The following ZRANB3 variants were observed in gnomAD, a reference collection of about 807,000 sequenced individuals.
ZRANB3 encodes the protein zinc finger RANBP2-type containing 3, also known as DNA annealing helicase and endonuclease ZRANB3.
A neutral mutation model predicts 133.8 loss-of-function variants in ZRANB3; 125 were observed. The ratio of observed to expected loss-of-function variants is 0.93; its 90% CI spans 0.81 to 1.08. ZRANB3 has a LOEUF of 1.08. ZRANB3 is among the 50% of genes least tolerant of loss of function. The pLI, the probability that ZRANB3 is intolerant of heterozygous loss-of-function variation, is 0.00. For synonymous variants in ZRANB3, 387 were observed against 432.7 expected (o/e 0.89, Z 1.31); for missense variants, 1,229 against 1,275.5 (o/e 0.96, Z 0.56).
chr2:135,477,091 T>C (rs1315882468), intron 2 of ZRANB3, among the ~76,000 whole-genome samples: 2 of 152,204 alleles, frequency 1.3e-5, no homozygotes, highest in Non-Finnish European at 2.9e-5. Context: ...TCATCACTTT[T>C]TAATTAGTGA....
At chr2:135,396,209 G>A (rs1458616421) in intron 2 of ZRANB3, among the ~76,000 whole-genome samples, 2 of 152,198 alleles carry the variant, frequency 1.3e-5, no homozygotes, top group African/African-American at 2.4e-5. Context: ...TACACTGCTG[G>A]TGGGAATGTA....
chr2:135,387,141 A>G (rs1157692410), intron 3 of ZRANB3, among the ~76,000 whole-genome samples: 1 of 152,146 alleles, frequency 6.6e-6, no homozygotes, highest in African/African-American at 2.4e-5. Context: ...CCAAGTGAGT[A>G]TTCAAGAGTT....
intron 8 of ZRANB3, among the ~76,000 whole-genome samples, chr2:135,312,182 A>AT (rs1553470795): frequency 1.0e-4 from 13 of 129,332 alleles, no homozygotes; most frequent in Non-Finnish European, 2.0e-4. Flanking sequence ...ATTTTATTTT[A>AT]TTTTATTTTT....
At chr2:135,525,872 A>G (rs1574257112) in intron 1 of ZRANB3, among the ~76,000 whole-genome samples, 3 of 151,650 alleles carry the variant, frequency 2.0e-5, no homozygotes, top group African/African-American at 7.3e-5. Context: ...AAAAAAGGAA[A>G]TCCTATCATG....
At chr2:135,438,578 G>A (rs1689647806) in intron 2 of ZRANB3, among the ~76,000 whole-genome samples, 1 of 151,626 alleles carries the variant, frequency 6.6e-6, no homozygotes. Flanking sequence ...GACATAGTAC[G>A]GAAGAGCTTA....
intron 17 of ZRANB3, among the ~76,000 whole-genome samples, chr2:135,216,292 T>G (rs1268073147): frequency 2.0e-5 from 3 of 152,078 alleles, no homozygotes; most frequent in Non-Finnish European, 4.4e-5. Flanking sequence ...TTTTCACCTG[T>G]GTGCATGGAA....
intron 3 of ZRANB3, among the ~76,000 whole-genome samples, chr2:135,387,865 C>G (rs1687050954): frequency 6.6e-6 from 1 of 152,030 alleles, no homozygotes; most frequent in Admixed American, 6.5e-5. Context: ...TTGTAAATCA[C>G]AAGAAATGGA....
intron 14 of ZRANB3, 139 bp from the exon 15 acceptor site, chr2:135,224,656 G>A: frequency 1.8e-6 from 1 of 542,918 alleles, no homozygotes; most frequent in Non-Finnish European, 3.1e-6. Flanking sequence ...AATTGTCTAG[G>A]CTTGAAATAA....
At chr2:135,372,630 C>CA (rs1384138746) in intron 3 of ZRANB3, among the ~76,000 whole-genome samples, 3 of 151,718 alleles carry the variant, frequency 2.0e-5, no homozygotes, top group Non-Finnish European at 4.4e-5. Context: ...ACTAAAAATA[C>CA]AAAAAAATTT....
intron 6 of ZRANB3, among the ~76,000 whole-genome samples, chr2:135,343,606 A>AT (rs1684795165): frequency 1.3e-5 from 2 of 149,910 alleles, no homozygotes; most frequent in African/African-American, 5.1e-5. Context: ...AAAAAAATGC[A>AT]TTGGGAAACA....
At chr2:135,390,754 C>G in intron 3 of ZRANB3, 48 bp downstream of exon 3, 1 of 1,496,456 alleles carries the variant, frequency 6.7e-7, no homozygotes, top group Non-Finnish European at 9.0e-7. Context: ...ACACTAAAAA[C>G]AAGCTGTGTA....
chr2:135,415,553 T>TGAAA (rs1419113606), intron 2 of ZRANB3, among the ~76,000 whole-genome samples: 2 of 152,192 alleles, frequency 1.3e-5, no homozygotes, highest in African/African-American at 4.8e-5. Flanking sequence ...TACCATGCCT[T>TGAAA]CTGAAACTAT....
chr2:135,353,985 C>G (rs1685322885), intron 3 of ZRANB3, among the ~76,000 whole-genome samples: 1 of 151,870 alleles, frequency 6.6e-6, no homozygotes. Flanking sequence ...GCCTGGGTGA[C>G]AGAGTAAGGC....
chr2:135,216,914 A>T (rs1694335465), intron 17 of ZRANB3, among the ~76,000 whole-genome samples: 1 of 152,254 alleles, frequency 6.6e-6, no homozygotes, highest in Admixed American at 6.5e-5. Flanking sequence ...ATCAATGTAC[A>T]GAGATTAGAA....
intron 1 of ZRANB3, among the ~76,000 whole-genome samples, chr2:135,522,364 G>C (rs1176712539): frequency 6.6e-6 from 1 of 152,144 alleles, no homozygotes; most frequent in Non-Finnish European, 1.5e-5. Flanking sequence ...CGATGCTCCA[G>C]TCCCCTGGAC....
intron 2 of ZRANB3, among the ~76,000 whole-genome samples, chr2:135,408,125 C>G (rs1188854484): frequency 6.6e-6 from 1 of 151,454 alleles, no homozygotes; most frequent in African/African-American, 2.4e-5. Context: ...AACAAATTTA[C>G]AAGAAAAAAA....
intron 2 of ZRANB3, among the ~76,000 whole-genome samples, chr2:135,503,383 T>C (rs1693034098): frequency 6.6e-6 from 1 of 152,214 alleles, no homozygotes; most frequent in Non-Finnish European, 1.5e-5. Context: ...CTGTGGGTGT[T>C]GCCTCTACCA....
intron 2 of ZRANB3, among the ~76,000 whole-genome samples, chr2:135,487,571 A>T (rs1692180366): frequency 6.6e-6 from 1 of 152,234 alleles, no homozygotes; most frequent in South Asian, 2.1e-4. Flanking sequence ...TCTTCTGAGT[A>T]ACCTGCTGCA....
At chr2:135,394,096 A>T (rs547992144) in intron 2 of ZRANB3, among the ~76,000 whole-genome samples, 1 of 151,966 alleles carries the variant, frequency 6.6e-6, no homozygotes, top group East Asian at 1.9e-4. Flanking sequence ...TGATCTCATG[A>T]TCTGCCTGCC....
Sources: gnomAD v4.1 joint callset for allele counts (sites outside exome capture counted in the v4.1 genomes callset) on GRCh38, gnomAD v4.1.1 for gene constraint, MANE v1.5 for transcripts, NCBI Gene and HGNC (gene_info 2026-07-23, HGNC 2026-07-21) for gene names.